Variants in TACR1 observed in about 807,000 individuals in gnomAD.
TACR1 encodes the protein substance-P receptor.
Under a neutral mutation model 35.8 loss-of-function variants are expected in TACR1, and 25 were observed. The observed-to-expected ratio is 0.70, with a 90% CI of 0.51 to 0.98. TACR1 has a LOEUF of 0.98. Among genes scored for constraint, TACR1 ranks in the 50% least tolerant of loss-of-function variants. The pLI, the probability that TACR1 is intolerant of heterozygous loss-of-function variation, is 0.00. For synonymous variants in TACR1, 195 were observed against 206.7 expected, an observed-to-expected ratio of 0.94 and a Z score of 0.48; for missense variants, 478 against 522.9, an observed-to-expected ratio of 0.91 and a Z score of 0.84.
chr2:75,186,894 G>A (rs1675719877), intron 1 of TACR1: 2 of 152,204 alleles, frequency 1.3e-5, no homozygotes, highest in African/African-American at 4.8e-5. Context: ...AGGAGATGAA[G>A]CAAGGAATTT....
At chr2:75,139,899 C>T (rs544895121) in intron 1 of TACR1, among the ~76,000 whole-genome samples, 6 of 152,270 alleles carry the variant, frequency 3.9e-5, no homozygotes, top group South Asian at 2.1e-4. Flanking sequence ...CCCTGGTCAG[C>T]CTCTTTAGCA....
intron 2 of TACR1, among the ~76,000 whole-genome samples, chr2:75,094,859 A>ATATATATATATATTTTTTTTT: frequency 8.8e-6 from 1 of 113,104 alleles, no homozygotes; most frequent in African/African-American, 4.8e-5. Flanking sequence ...ATATATATAT[A>ATATATATATATATTTTTTTTT]TTTTTTTTTT....
At chr2:75,109,559 G>C (rs1273735158) in intron 2 of TACR1, among the ~76,000 whole-genome samples, 1 of 152,158 alleles carries the variant, frequency 6.6e-6, no homozygotes. Flanking sequence ...TCAAGAAACA[G>C]GTGGAAATTC....
At position 75,151,682 on chromosome 2, in the gene TACR1, TG is replaced by T. The variant is rs775494043; in HGVS notation, c.390-30915del. Among the ~76,000 whole-genome samples, 5 of 152,290 alleles carry T rather than the reference TG, an allele frequency of 3.3e-5. No individual in the cohort carries two copies. In the East Asian group the frequency reaches 7.7e-4, roughly 24 times the overall value. On this transcript the variant is annotated intron_variant, in intron 1 of 4. Coordinates refer to ENST00000305249, the MANE Select transcript of TACR1 (RefSeq NM_001058.4). ...TGGAGCCCCCACACAGAGTTCCTAC[TG>T]GGACACTGCCTAGTGGAGCTGTGAG...
intron 2 of TACR1, among the ~76,000 whole-genome samples, chr2:75,065,080 T>G (rs1186959024): frequency 6.6e-6 from 1 of 152,146 alleles, no homozygotes; most frequent in Non-Finnish European, 1.5e-5. Context: ...GTTCTCCAAG[T>G]CCTCCGGCCC....
intron 1 of TACR1, among the ~76,000 whole-genome samples, chr2:75,193,596 G>C (rs888772106): frequency 4.6e-5 from 7 of 152,032 alleles, no homozygotes; most frequent in Admixed American, 6.6e-5. Flanking sequence ...GAGGCACTTT[G>C]CAACATTTGA....
chr2:75,123,858 C>G (rs1019550079), intron 1 of TACR1, among the ~76,000 whole-genome samples: 1 of 152,318 alleles, frequency 6.6e-6, no homozygotes, highest in Admixed American at 6.5e-5. Context: ...CTCCCCACTT[C>G]TAGCTAGGAT....
At chr2:75,173,418 A>G (rs183578325) in intron 1 of TACR1, among the ~76,000 whole-genome samples, 1 of 152,320 alleles carries the variant, frequency 6.6e-6, no homozygotes, top group African/African-American at 2.4e-5. Flanking sequence ...CTGTAACTAT[A>G]CTATACCTCA....
intron 2 of TACR1, among the ~76,000 whole-genome samples, chr2:75,083,909 A>T (rs1264142879): frequency 6.6e-6 from 1 of 151,990 alleles, no homozygotes; most frequent in African/African-American, 2.4e-5. Flanking sequence ...CTAATTGAAT[A>T]CCCTTTATTT....
At chr2:75,177,053 T>A (rs1675436880) in intron 1 of TACR1, among the ~76,000 whole-genome samples, 1 of 152,104 alleles carries the variant, frequency 6.6e-6, no homozygotes, top group Non-Finnish European at 1.5e-5. Context: ...CCTCAGATGG[T>A]GGCTGTTCCT....
rs1672430748 is a variant in TACR1, at chr2:75,049,666, G to A, written c.990C>T (p.Asp330=). Residue 330 remains aspartate (D), a synonymous_variant, in exon 5 of 5, where the codon GAC becomes GAT. Coordinates refer to ENST00000305249, the MANE Select transcript of TACR1 (RefSeq NM_001058.4). ...FRCCPFISAG[D]YEGLEMKSTR... ...TGGATTTCATTTCCAGCCCCTCATA[G>A]TCGCCGGCGCTGATGAAGGGGCAGC... is the stretch of plus-strand genomic sequence containing the variant. 3 of 1,614,160 alleles carry A rather than the reference G, an allele frequency of 1.9e-6. No homozygotes were observed. The highest frequency in any genetic ancestry group is 2.5e-6 in the Non-Finnish European group (3 of 1,180,034).
At chr2:75,058,001 C>A (rs980855159) in intron 2 of TACR1, among the ~76,000 whole-genome samples, 16 of 152,152 alleles carry the variant, frequency 1.1e-4, no homozygotes, top group African/African-American at 3.9e-4. Flanking sequence ...AGGCACTTGA[C>A]AACTACACCC....
At chr2:75,051,842 G>A (rs1349224470) in intron 3 of TACR1, among the ~76,000 whole-genome samples, 2 of 152,164 alleles carry the variant, frequency 1.3e-5, no homozygotes, top group African/African-American at 4.8e-5. Context: ...CATGACTGGA[G>A]GAACACAGGG....
intron 1 of TACR1, among the ~76,000 whole-genome samples, chr2:75,183,215 G>A (rs1407153833): frequency 6.6e-6 from 1 of 152,092 alleles, no homozygotes; most frequent in African/African-American, 2.4e-5. Flanking sequence ...TAACTTACAT[G>A]CAATAAGAAT....
At position 75,048,041 on chromosome 2, in the gene TACR1, C is replaced by T. The variant is rs1672395201; in HGVS notation, c.*1391G>A. The T allele has an allele frequency of 6.6e-6, 1 of 152,178 alleles. No homozygotes were observed. The highest frequency in any genetic ancestry group is 1.5e-5 in the Non-Finnish European group (1 of 68,034). 9.4% of individuals were successfully genotyped at this position (152,178 alleles called of 1,614,324 possible). ...TCTAAATCTAAATTAGGATATAAAG[C>T]ATTCAGTTCATGGCTCTTGGAAGAC... On this transcript the variant is annotated 3_prime_UTR_variant, in exon 5 of 5. Transcript: ENST00000305249.
chr2:75,066,972 G>A (rs752330807), intron 2 of TACR1, among the ~76,000 whole-genome samples: 6 of 152,018 alleles, frequency 3.9e-5, no homozygotes, highest in African/African-American at 1.2e-4. Flanking sequence ...CAACCTCCTC[G>A]TCTTACAAAA....
At chr2:75,195,999 G>T (rs1350888436) in intron 1 of TACR1, among the ~76,000 whole-genome samples, 3 of 152,120 alleles carry the variant, frequency 2.0e-5, no homozygotes, top group Non-Finnish European at 2.9e-5. Context: ...GCTTCTTGTC[G>T]GTTAGGTAAG....
intron 1 of TACR1, among the ~76,000 whole-genome samples, chr2:75,193,929 G>A (rs1675907396): frequency 6.6e-6 from 1 of 152,146 alleles, no homozygotes; most frequent in South Asian, 2.1e-4. Context: ...TACCTTGATG[G>A]CATCAACACT....
intron 2 of TACR1, among the ~76,000 whole-genome samples, chr2:75,091,997 G>C (rs1176823175): frequency 3.9e-5 from 6 of 152,194 alleles, no homozygotes; most frequent in Non-Finnish European, 7.3e-5. Context: ...AAGATTGTGA[G>C]GAGAACTTTA....
Sources: gnomAD v4.1 joint callset for allele counts (sites outside exome capture counted in the v4.1 genomes callset) on GRCh38, gnomAD v4.1.1 for gene constraint, MANE v1.5 for transcripts, NCBI Gene and HGNC (gene_info 2026-07-23, HGNC 2026-07-21) for gene names.